Variants in XRN1 observed in about 807,000 individuals in gnomAD.
XRN1 encodes the protein strand-exchange protein 1 homolog.
XRN1 carries 67 observed loss-of-function variants against 222.3 expected under a neutral mutation model. The ratio of observed to expected loss-of-function variants is 0.30; its 90% CI spans 0.25 to 0.37. The LOEUF (loss-of-function observed/expected upper bound fraction) is 0.37. Ranked by LOEUF, XRN1 falls within the 10% of genes least tolerant of loss-of-function variation. The probability of loss-of-function intolerance (pLI) is 1.00; values close to 1 mark genes in which losing one functional copy is unlikely to be tolerated. For missense variants in XRN1, 1,707 were observed against 2,000.2 expected (o/e 0.85, Z 2.80); for synonymous variants, 643 against 652.4 (o/e 0.99, Z 0.22).
chr3:142,417,915 A>T (rs980584711), intron 12 of XRN1: 3 of 152,210 alleles, frequency 2.0e-5, no homozygotes, highest in Middle Eastern at 3.2e-3. Flanking sequence ...CAGGAGTGAA[A>T]ATCTGGACAA....
At position 142,311,623 on chromosome 3, in the gene XRN1, G is replaced by A. The variant is rs184333551; in HGVS notation, c.4973C>T (p.Thr1658Ile). Residue 1658 changes from threonine to isoleucine, a missense_variant, in exon 41 of 41, where the codon ACT (threonine) becomes ATT (isoleucine). By Grantham distance (89) the Thr-to-Ile change is moderately conservative. Coordinates refer to ENST00000392981, the MANE Select transcript of XRN1 (RefSeq NM_001282857.2). ...AQPASSFQVE[T>I]ASQGHSISHH... ...AGATATACTATGGCCTTGAGAGGCA[G>A]TTTCAACTTGAAAAGAAGATGCAGG... 175 of 1,614,142 alleles carry A rather than the reference G, an allele frequency of 1.1e-4. No individual in the cohort carries two copies. The East Asian group carries it at 3.8e-3, about 35-fold the overall frequency.
chr3:142,421,283 G>A (rs2069022479), intron 9 of XRN1, 130 bp from the exon 10 acceptor site: 1 of 987,310 alleles, frequency 1.0e-6, no homozygotes, highest in Non-Finnish European at 1.4e-6. Flanking sequence ...ATATATATGG[G>A]AGACCTCATG....
At chr3:142,322,988 G>A (rs1033067967) in intron 37 of XRN1, among the ~76,000 whole-genome samples, 1 of 152,162 alleles carries the variant, frequency 6.6e-6, no homozygotes, top group African/African-American at 2.4e-5. Flanking sequence ...GGGTGACAGA[G>A]CGAGACTCTG....
At chr3:142,355,626 TTGGGGTCTTACTCATG>T (rs2066445554) in intron 31 of XRN1, 130 bp from the exon 32 acceptor site, 2 of 552,386 alleles carry the variant, frequency 3.6e-6, no homozygotes, top group South Asian at 3.5e-5. Context: ...TTTTTTTGAC[TTGGGGTCTTACTCATG>T]TGGGGTCTTG....
At chr3:142,316,568 T>C (rs2065216634) in intron 39 of XRN1, among the ~76,000 whole-genome samples, 1 of 152,214 alleles carries the variant, frequency 6.6e-6, no homozygotes, top group Non-Finnish European at 1.5e-5. Context: ...CCATTGCTCA[T>C]CTATTAATAA....
chr3:142,311,918 C>A, intron 40 of XRN1, 105 bp from the exon 41 acceptor site: 1 of 1,144,282 alleles, frequency 8.7e-7, no homozygotes, highest in Non-Finnish European at 1.2e-6. Context: ...TCAATCACAG[C>A]TGATCTGTGA....
chr3:142,342,044 A>G (rs983095208), intron 33 of XRN1, among the ~76,000 whole-genome samples: 1 of 152,186 alleles, frequency 6.6e-6, no homozygotes, highest in Non-Finnish European at 1.5e-5. Flanking sequence ...GGAACCAAAC[A>G]ATATTTGGAA....
chr3:142,426,708 T>C, intron 3 of XRN1, 36 bp downstream of exon 3: 2 of 1,566,904 alleles, frequency 1.3e-6, no homozygotes, highest in Non-Finnish European at 1.7e-6. Flanking sequence ...AATTTATATT[T>C]CAATTCTGTC....
At chr3:142,429,273 A>C (rs1224636018) in intron 2 of XRN1, among the ~76,000 whole-genome samples, 1 of 148,620 alleles carries the variant, frequency 6.7e-6, no homozygotes, top group Non-Finnish European at 1.5e-5. Context: ...CACCCTCCCG[A>C]GTAGCTGGGA....
chr3:142,332,306 G>C, intron 36 of XRN1, 69 bp downstream of exon 36: 1 of 1,182,646 alleles, frequency 8.5e-7, no homozygotes, highest in Non-Finnish European at 1.2e-6. Flanking sequence ...AAAAGTACAT[G>C]ATTAAAAAGA....
At chr3:142,312,797 G>A in intron 39 of XRN1, 39 bp from the exon 40 acceptor site, 1 of 1,568,458 alleles carries the variant, frequency 6.4e-7, no homozygotes, top group African/African-American at 1.4e-5. Flanking sequence ...TTAGTAAAAT[G>A]GTATCATCAA....
chr3:142,370,760 A>C (rs991534233), intron 26 of XRN1, 140 bp from the exon 27 acceptor site: 5 of 620,014 alleles, frequency 8.1e-6, no homozygotes, highest in Non-Finnish European at 1.3e-5. Flanking sequence ...ATAAATATGG[A>C]CATGTTACCT....
intron 30 of XRN1, among the ~76,000 whole-genome samples, chr3:142,359,262 T>C (rs1269598681): frequency 6.6e-6 from 1 of 152,218 alleles, no homozygotes; most frequent in African/African-American, 2.4e-5. Flanking sequence ...CTTTCCTTTA[T>C]AGTCAAACTT....
intron 9 of XRN1, among the ~76,000 whole-genome samples, 160 bp downstream of exon 9, chr3:142,421,316 G>C (rs1189113526): frequency 6.6e-6 from 1 of 151,940 alleles, no homozygotes; most frequent in African/African-American, 2.4e-5. Flanking sequence ...AATACAAATA[G>C]AAAGCAAATA....
At chr3:142,419,316 T>C (rs1421191073) in intron 10 of XRN1, among the ~76,000 whole-genome samples, 1 of 151,228 alleles carries the variant, frequency 6.6e-6, no homozygotes, top group African/African-American at 2.4e-5. Flanking sequence ...CCCGTTTTCT[T>C]AGGGGGGGAA....
intron 10 of XRN1, 58 bp from the exon 11 acceptor site, chr3:142,418,939 C>T: frequency 6.7e-7 from 1 of 1,497,602 alleles, no homozygotes; most frequent in Non-Finnish European, 9.3e-7. Context: ...AATGAGATGT[C>T]ATTTCTCTTC....
At chr3:142,338,698 G>A (rs1044283679) in intron 33 of XRN1, among the ~76,000 whole-genome samples, 1 of 152,042 alleles carries the variant, frequency 6.6e-6, no homozygotes, top group Non-Finnish European at 1.5e-5. Context: ...ATTTCTAGAT[G>A]TGCCTTGGGC....
rs140150868 is a variant in XRN1, at chr3:142,371,288, C to T, written c.3019G>A (p.Glu1007Lys). Residue 1007 changes from glutamate (E) to lysine (K), a missense_variant, in exon 26 of 41, where the codon GAG becomes AAG. Glu to Lys is a moderately conservative substitution (Grantham distance 56). Coordinates refer to ENST00000392981, the MANE Select transcript of XRN1 (RefSeq NM_001282857.2). ...ATGTCATCTTCATAGAACACATCCT[C>T]TTGGCTATTTTTGGCTATATAACTA... Reference protein sequence around the residue: ...LFSYIAKNSQEDVFYEDDIWP... With the variant: ...LFSYIAKNSQKDVFYEDDIWP... 5.0e-6 allele frequency: 8 copies of T among 1,613,322 alleles called. No homozygotes were observed. Among genetic ancestry groups the T allele is most frequent in the African/African-American group, 1.3e-5 (1 of 74,922 alleles).
Position 142,375,868 on chromosome 3 carries a change from T to C in XRN1, c.2908A>G (p.Thr970Ala). Residue 970 changes from threonine (T) to alanine (A), a missense_variant, in exon 25 of 41, where the codon ACT becomes GCT. Thr to Ala is a moderately conservative substitution (Grantham distance 58). This residue lies in a region of XRN1 where 1,234 missense variants were observed against 1,518.2 expected (regional missense o/e 0.81). Coordinates refer to ENST00000392981, the MANE Select transcript of XRN1 (RefSeq NM_001282857.2). The stretch of plus-strand genomic sequence containing the variant: ...ATCCATTCACTTCCAACTTTCTTAG[T>C]ATATCCAGGTACCTCCTCATTTTTC... ...NKKNEEVPGY[T>A]KKVGSEWMYS... The C allele has an allele frequency of 1.9e-6, 3 of 1,614,008 alleles. No homozygotes were observed. The highest frequency in any genetic ancestry group is 2.5e-6 in the Non-Finnish European group (3 of 1,179,964).
Sources: allele counts gnomAD v4.1 joint callset (sites outside exome capture counted in the v4.1 genomes callset), GRCh38; gene constraint gnomAD v4.1.1; regional missense constraint gnomAD v4.1.1; transcripts MANE v1.5; gene names NCBI Gene and HGNC (gene_info 2026-07-23, HGNC 2026-07-21).